Variants in ZNF33A observed in about 807,000 individuals in gnomAD.
ZNF33A encodes zinc finger protein 33A.
In ZNF33A, 9 loss-of-function variants were observed where a neutral mutation model predicts 15.9. The ratio of observed to expected loss-of-function variants is 0.57; its 90% CI spans 0.34 to 0.99. ZNF33A has a LOEUF of 0.99. Among genes scored for constraint, ZNF33A ranks in the 50% least tolerant of loss-of-function variants. The pLI is 0.02. For missense variants in ZNF33A, 843 were observed against 941.6 expected (o/e 0.90, Z 1.37); for synonymous variants, 294 against 324.2 (o/e 0.91, Z 1.00).
downstream of ZNF33A, among the ~76,000 whole-genome samples, chr10:38,067,594 G>A (rs187967180): frequency 2.9e-3 from 444 of 152,268 alleles, 1 homozygote; most frequent in Non-Finnish European, 4.4e-3. Flanking sequence ...CGGGTTCAAG[G>A]TGTTGAGTCC....
chr10:38,064,428 G>A (rs2066690015), downstream of ZNF33A: 1 of 349,588 alleles, frequency 2.9e-6, no homozygotes, highest in Non-Finnish European at 5.1e-6. Context: ...TGTCCACACT[G>A]CAGCCAGCTC....
chr10:38,056,684 C>T lies in ZNF33A; in HGVS notation c.*124C>T, dbSNP rs1261669782. On this transcript the variant is annotated 3_prime_UTR_variant, in exon 5 of 5. Transcript: ENST00000432900. ...TCTATGTAATATCAGATGGTTAATA[C>T]GGGCATAACACCTTACAGATTTTTT... 4.8e-5 allele frequency: 65 copies of T among 1,360,602 alleles called. No homozygotes were observed. The highest frequency in any genetic ancestry group is 2.0e-4 in the Middle Eastern group (1 of 4,998). 84.3% of individuals were successfully genotyped at this position (1,360,602 alleles called of 1,614,324 possible).
chr10:38,062,431 T>C (rs1435659277), downstream of ZNF33A, among the ~76,000 whole-genome samples: 1 of 152,218 alleles, frequency 6.6e-6, no homozygotes, highest in African/African-American at 2.4e-5. Flanking sequence ...TGGGACACTA[T>C]TGAAAAAAAT....
chr10:38,029,017 G>C (rs2472156), intron 4 of ZNF33A, among the ~76,000 whole-genome samples: 9,121 of 152,132 alleles, frequency 0.06, 353 homozygotes, highest in Middle Eastern at 0.095. Flanking sequence ...ATTGTGTACC[G>C]ATAATGTAAA....
intron 2 of ZNF33A, among the ~76,000 whole-genome samples, chr10:38,014,673 TG>T (rs1215171281): frequency 6.6e-6 from 1 of 152,216 alleles, no homozygotes; most frequent in Non-Finnish European, 1.5e-5. Context: ...GTGTGTTTTT[TG>T]GGCTATGTTC....
In ZNF33A at chr10:38,055,465, A is replaced by C. The variant is rs1344497449; in HGVS notation, c.1341A>C (p.Gly447=). ...AACCCTATGAATGTTATGAATGTGG[A>C]AAATCCTTCCGTGTGACTTCGCACC... ...GLKPYECYEC[G]KSFRVTSHLK... is the part of the protein sequence containing the mutation. The change falls in exon 5 of 5, where the codon GGA becomes GGC. Residue 447 remains glycine (G), a synonymous_variant. Coordinates refer to ENST00000432900, the MANE Select transcript of ZNF33A (RefSeq NM_006954.2). 6.2e-7 allele frequency: 1 copy of C among 1,613,762 alleles called. No individual in the cohort carries two copies. The highest frequency in any genetic ancestry group is 8.5e-7 in the Non-Finnish European group (1 of 1,179,902).
chr10:38,023,041 G>C (rs1209629884), intron 4 of ZNF33A, among the ~76,000 whole-genome samples: 2 of 152,154 alleles, frequency 1.3e-5, no homozygotes, highest in African/African-American at 4.8e-5. Context: ...TGCCTCCCGG[G>C]TTCAGATGAT....
rs545246417 is a variant in ZNF33A at position 38,055,761 on chromosome 10, C to T, written c.1637C>T (p.Thr546Ile). 42 of 1,580,184 alleles carry T rather than the reference C, an allele frequency of 2.7e-5. No homozygotes were observed. The East Asian group carries it at 7.9e-4, about 30-fold the overall frequency. Residue 546 changes from threonine to isoleucine, a missense_variant, in exon 5 of 5, where the codon ACA becomes ATA. Transcript: ENST00000432900. ...TCAGACCTCACAGTACATCAGAGAA[C>T]ACACACAGGGCAGAAACCCTTTGCA... ...LKSDLTVHQR[T>I]HTGQKPFACP...
chr10:38,050,115 C>T (rs1226076156), intron 4 of ZNF33A, among the ~76,000 whole-genome samples: 3 of 152,264 alleles, frequency 2.0e-5, no homozygotes, highest in Middle Eastern at 3.4e-3. Context: ...CAGACTTTTC[C>T]AGAAAATTCA....
Position 38,057,443 on chromosome 10 carries a change from A to T in ZNF33A, c.*883A>T, listed in dbSNP as rs2066531848. On this transcript the variant is annotated 3_prime_UTR_variant, in exon 5 of 5. Coordinates refer to ENST00000432900, the MANE Select transcript of ZNF33A (RefSeq NM_006954.2). Reference sequence around the variant, plus strand: ...CTTATATATGTATAAGTGGTATGTGATATAAATCGTGTGTTTCATATGCAT... The same window carrying T: ...CTTATATATGTATAAGTGGTATGTGTTATAAATCGTGTGTTTCATATGCAT... The T allele has an allele frequency of 1.0e-6, 1 of 985,306 alleles. No homozygotes were observed. The highest frequency in any genetic ancestry group is 4.7e-5 in the South Asian group (1 of 21,296). The allele number at this position is 985,306 out of a possible 1,614,324, so 61.0% of individuals were successfully genotyped here.
chr10:38,024,183 A>AAG (rs1277164947), intron 4 of ZNF33A, among the ~76,000 whole-genome samples: 1 of 151,110 alleles, frequency 6.6e-6, no homozygotes, highest in Non-Finnish European at 1.5e-5. Context: ...AAAAAAAAAG[A>AAG]AAAAATGTAA....
intron 4 of ZNF33A, among the ~76,000 whole-genome samples, chr10:38,021,191 A>G (rs1034807675): frequency 2.6e-5 from 4 of 152,258 alleles, no homozygotes; most frequent in Non-Finnish European, 4.4e-5. Flanking sequence ...GAGTGACACT[A>G]TTAATATCAA....
At chr10:38,049,592 TTATGTA>T (rs1487951733) in intron 4 of ZNF33A, among the ~76,000 whole-genome samples, 11 of 152,180 alleles carry the variant, frequency 7.2e-5, no homozygotes, top group Non-Finnish European at 1.6e-4. Flanking sequence ...GTGTATGTAT[TTATGTA>T]TATGTATATA....
At chr10:38,034,322 T>G (rs1317834532) in intron 4 of ZNF33A, among the ~76,000 whole-genome samples, 1 of 152,192 alleles carries the variant, frequency 6.6e-6, no homozygotes, top group Non-Finnish European at 1.5e-5. Flanking sequence ...TCATGTCTCT[T>G]TAGGCTCCTC....
downstream of ZNF33A, among the ~76,000 whole-genome samples, chr10:38,060,653 C>CTGAA (rs1209844873): frequency 2.0e-5 from 3 of 152,154 alleles, no homozygotes; most frequent in African/African-American, 7.2e-5. Context: ...CCTTCCTTCA[C>CTGAA]CATCAGGGTG....
chr10:38,031,114 G>A (rs368056270), intron 4 of ZNF33A, among the ~76,000 whole-genome samples: 1 of 152,130 alleles, frequency 6.6e-6, no homozygotes, highest in East Asian at 1.9e-4. Context: ...CACAACTAAT[G>A]CATGTGAAAC....
At chr10:38,012,213 T>G (rs2064217388) in intron 1 of ZNF33A, 85 bp from the exon 2 acceptor site, 17 of 1,388,126 alleles carry the variant, frequency 1.2e-5, no homozygotes, top group Non-Finnish European at 1.7e-5. Context: ...CTAGTGGGTG[T>G]GTATGGCTTC....
At chr10:38,012,464 C>T in intron 2 of ZNF33A, 114 bp downstream of exon 2, 7 of 1,217,290 alleles carry the variant, frequency 5.8e-6, no homozygotes, top group Non-Finnish European at 7.9e-6. Flanking sequence ...CGGAGTCTCA[C>T]TCTGTCACCC....
chr10:38,012,696 TGCTGGGATTACAA>T (rs2064250849), intron 2 of ZNF33A, among the ~76,000 whole-genome samples: 1 of 152,184 alleles, frequency 6.6e-6, no homozygotes, highest in Non-Finnish European at 1.5e-5. Context: ...TCTCCCAAAG[TGCTGGGATTACAA>T]GCGTGAGGCA....
Sources: allele counts gnomAD v4.1 joint callset (sites outside exome capture counted in the v4.1 genomes callset), GRCh38; gene constraint gnomAD v4.1.1; transcripts MANE v1.5; gene names NCBI Gene and HGNC (gene_info 2026-07-23, HGNC 2026-07-21).